Variants in MAP7 observed in about 807,000 individuals in gnomAD.
The protein encoded by MAP7 is microtubule associated protein 7.
In MAP7, 52 loss-of-function variants were observed where a neutral mutation model predicts 94.8. The ratio of observed to expected loss-of-function variants is 0.55; its 90% CI spans 0.44 to 0.69. MAP7 has a LOEUF of 0.69. MAP7 is among the 30% of genes least tolerant of loss of function. The pLI, the probability that MAP7 is intolerant of heterozygous loss-of-function variation, is 0.00. For synonymous variants in MAP7, 350 were observed against 357.0 expected (o/e 0.98, Z 0.22); for missense variants, 940 against 964.6 (o/e 0.97, Z 0.34).
intron 2 of MAP7, among the ~76,000 whole-genome samples, chr6:136,420,816 GAA>G (rs71006799): frequency 0.069 from 10,401 of 151,084 alleles, 697 homozygotes; most frequent in East Asian, 0.23. Flanking sequence ...TTTTCCACAT[GAA>G]AAAAAAAAAA....
In MAP7 at chr6:136,497,627, T is replaced by C. The variant is rs1818660117; in HGVS notation, c.67+52715A>G. Among the ~76,000 whole-genome samples the C allele has an allele frequency of 4.6e-5, 7 of 151,192 alleles. 1 individual carries two copies. Among genetic ancestry groups the C allele is most frequent in the Admixed American group, 3.3e-4 (5 of 15,184 alleles). ...CAGCCTGACCAACATGGTGAAACCCTGTCTCTACTAAAAATACAAAAATTA... is the reference window on the plus strand; with the variant it reads ...CAGCCTGACCAACATGGTGAAACCCCGTCTCTACTAAAAATACAAAAATTA... On this transcript the variant is annotated intron_variant, in intron 1 of 17. Transcript: ENST00000354570.
chr6:136,370,407 C>G (rs1253204031), intron 8 of MAP7, among the ~76,000 whole-genome samples: 1 of 152,166 alleles, frequency 6.6e-6, no homozygotes, highest in Admixed American at 6.5e-5. Flanking sequence ...CCAGCAATCC[C>G]TATATATCAA....
intron 1 of MAP7, among the ~76,000 whole-genome samples, chr6:136,429,626 C>T (rs899234854): frequency 1.3e-5 from 2 of 152,156 alleles, no homozygotes; most frequent in African/African-American, 2.4e-5. Flanking sequence ...CTTGTGGGAA[C>T]TGGGGGGAAT....
At chr6:136,389,624 G>T (rs1780146158) in intron 3 of MAP7, 107 bp from the exon 4 acceptor site, 4 of 990,842 alleles carry the variant, frequency 4.0e-6, no homozygotes, top group South Asian at 3.1e-5. Flanking sequence ...AACAAATATG[G>T]GTTCTTTAGT....
chr6:136,377,734 G>T lies in MAP7; in HGVS notation c.751+21C>A, dbSNP rs559150722. 1.9e-5 allele frequency: 30 copies of T among 1,591,384 alleles called. No homozygotes were observed. The East Asian group carries it at 6.3e-4, about 33-fold the overall frequency. Reference sequence around the variant, plus strand: ...GGGAGGACTTGACCTCATGGGGAAAGTTCCACCTGGACAGTTTTACCTGCT... The same window carrying T: ...GGGAGGACTTGACCTCATGGGGAAATTTCCACCTGGACAGTTTTACCTGCT... On this transcript the variant is annotated intron_variant, in intron 7 of 17. Transcript: ENST00000354570.
At chr6:136,381,919 C>CAGAGAG (rs1554237619) in intron 6 of MAP7, among the ~76,000 whole-genome samples, 38 of 102,976 alleles carry the variant, frequency 3.7e-4, no homozygotes, top group African/African-American at 1.2e-3. Flanking sequence ...CACACACACA[C>CAGAGAG]AGAGAGAGAG....
At chr6:136,362,842 G>A (rs1793242061) in intron 10 of MAP7, 140 bp from the exon 11 acceptor site, 13 of 1,337,946 alleles carry the variant, frequency 9.7e-6, no homozygotes, top group South Asian at 8.5e-5. Flanking sequence ...GTGTTCTCAC[G>A]GTTTCACTAT....
At chr6:136,452,708 A>T (rs1433646721) in intron 1 of MAP7, among the ~76,000 whole-genome samples, 1 of 152,090 alleles carries the variant, frequency 6.6e-6, no homozygotes, top group Non-Finnish European at 1.5e-5. Context: ...GCACACCACC[A>T]TGCTCAGCTA....
intron 1 of MAP7, among the ~76,000 whole-genome samples, chr6:136,512,423 G>A (rs568091802): frequency 3.6e-4 from 55 of 152,296 alleles, no homozygotes; most frequent in African/African-American, 1.3e-3. Flanking sequence ...GTAAAAAATT[G>A]TTGGATGTAT....
In MAP7 at chr6:136,366,331, G is replaced by A. The variant is rs1419264438; in HGVS notation, c.985C>T (p.Leu329Phe). The A allele has an allele frequency of 1.2e-6, 2 of 1,613,534 alleles. No individual in the cohort carries two copies. Among genetic ancestry groups the A allele is most frequent in the Admixed American group, 1.7e-5 (1 of 60,028 alleles). Residue 329 changes from leucine (L) to phenylalanine (F), a missense_variant, in exon 9 of 18, where the codon CTT (leucine) becomes TTT (phenylalanine). Transcript: ENST00000354570. Reference protein sequence around the residue: ...PKARQPARSRLWLPSKSLPHL... With the variant: ...PKARQPARSRFWLPSKSLPHL... ...AGCCACTTATATTTCACTTACCAAAGTCGGGAGCGAGCTGGTTGTCTTGCT... is the reference window on the plus strand; with the variant it reads ...AGCCACTTATATTTCACTTACCAAAATCGGGAGCGAGCTGGTTGTCTTGCT...
chr6:136,471,076 T>C (rs1808821591), intron 1 of MAP7, among the ~76,000 whole-genome samples: 1 of 152,222 alleles, frequency 6.6e-6, no homozygotes. Flanking sequence ...CTGAGAAACA[T>C]TTCACTTATA....
At chr6:136,361,633 T>C (rs1452115473) in intron 11 of MAP7, among the ~76,000 whole-genome samples, 2 of 152,244 alleles carry the variant, frequency 1.3e-5, no homozygotes, top group African/African-American at 4.8e-5. Flanking sequence ...ATGGCCAAGA[T>C]GGCGGTCCAG....
intron 17 of MAP7, among the ~76,000 whole-genome samples, chr6:136,344,677 C>A (rs1454528903): frequency 2.0e-5 from 3 of 152,180 alleles, no homozygotes; most frequent in Non-Finnish European, 2.9e-5. Flanking sequence ...CATCAACATA[C>A]CATTAGTCGG....
chr6:136,415,991 T>C (rs567503390), intron 2 of MAP7, among the ~76,000 whole-genome samples: 2 of 152,342 alleles, frequency 1.3e-5, no homozygotes, highest in East Asian at 3.9e-4. Context: ...TTATTTAGTG[T>C]AGGTTGTTTC....
chr6:136,512,498 C>T (rs1253697963), intron 1 of MAP7, among the ~76,000 whole-genome samples: 2 of 152,190 alleles, frequency 1.3e-5, no homozygotes, highest in East Asian at 3.8e-4. Flanking sequence ...GAAGCCTCAA[C>T]AAGGCATACC....
intron 1 of MAP7, among the ~76,000 whole-genome samples, chr6:136,487,283 T>C (rs1332667341): frequency 6.6e-6 from 1 of 152,256 alleles, no homozygotes; most frequent in Non-Finnish European, 1.5e-5. Context: ...TGTAATGATA[T>C]GCCAGATTTG....
intron 1 of MAP7, among the ~76,000 whole-genome samples, chr6:136,541,505 T>C (rs1829314151): frequency 6.6e-6 from 1 of 152,154 alleles, no homozygotes; most frequent in African/African-American, 2.4e-5. Context: ...CTCAATACTC[T>C]AAACTTAAAG....
intron 1 of MAP7, among the ~76,000 whole-genome samples, chr6:136,511,602 G>A (rs954128694): frequency 6.6e-6 from 1 of 152,212 alleles, no homozygotes; most frequent in African/African-American, 2.4e-5. Flanking sequence ...AGGGAATGTG[G>A]CTAGGTACAC....
intron 1 of MAP7, among the ~76,000 whole-genome samples, chr6:136,444,778 T>C (rs1798836964): frequency 6.6e-6 from 1 of 152,228 alleles, no homozygotes; most frequent in African/African-American, 2.4e-5. Flanking sequence ...AGTGTTAAAG[T>C]TCAAAGCATT....
Sources: gnomAD v4.1 joint callset for allele counts (sites outside exome capture counted in the v4.1 genomes callset) on GRCh38, gnomAD v4.1.1 for gene constraint, MANE v1.5 for transcripts, NCBI Gene and HGNC (gene_info 2026-07-23, HGNC 2026-07-21) for gene names.